HECW1: variants seen among roughly 807,000 people sequenced by gnomAD.
HECW1 encodes E3 ubiquitin-protein ligase HECW1.
HECW1 carries 61 observed loss-of-function variants against 182.3 expected under a neutral mutation model. The observed-to-expected ratio is 0.33, with a 90% CI of 0.27 to 0.41. The LOEUF (loss-of-function observed/expected upper bound fraction) is 0.41, where lower values mean the gene tolerates loss of function less well. Among genes scored for constraint, HECW1 ranks in the 10% least tolerant of loss-of-function variants. HECW1 has a pLI of 1.00. For synonymous variants in HECW1, 859 were observed against 832.6 expected (o/e 1.03, Z -0.55); for missense variants, 1,739 against 2,108.9 (o/e 0.82, Z 3.44).
At chr7:43,495,230 A>T (rs1313148553) in intron 19 of HECW1, among the ~76,000 whole-genome samples, 3 of 152,128 alleles carry the variant, frequency 2.0e-5, no homozygotes, top group African/African-American at 7.2e-5. Flanking sequence ...CGTCATCTAC[A>T]TTAGGTATTT....
intron 2 of HECW1, among the ~76,000 whole-genome samples, chr7:43,205,683 G>T (rs946541977): frequency 2.0e-5 from 3 of 152,166 alleles, no homozygotes; most frequent in Non-Finnish European, 2.9e-5. Context: ...CAGTGGTCTC[G>T]TGACCACAGC....
chr7:43,158,475 T>C (rs1399044070), intron 2 of HECW1, among the ~76,000 whole-genome samples: 5 of 152,238 alleles, frequency 3.3e-5, no homozygotes, highest in African/African-American at 1.2e-4. Context: ...GCATATATCC[T>C]ACAAGCATTT....
intron 5 of HECW1, among the ~76,000 whole-genome samples, chr7:43,324,905 T>G (rs1430703327): frequency 6.6e-6 from 1 of 152,214 alleles, no homozygotes; most frequent in African/African-American, 2.4e-5. Flanking sequence ...ATATTGCAGA[T>G]GACCTGGAGT....
chr7:43,470,743 A>G (rs2077987194), intron 16 of HECW1, among the ~76,000 whole-genome samples: 1 of 152,022 alleles, frequency 6.6e-6, no homozygotes. Flanking sequence ...ACACATGCTC[A>G]CACACACACA....
chr7:43,127,027 C>T (rs890504098), intron 2 of HECW1, among the ~76,000 whole-genome samples: 1 of 152,062 alleles, frequency 6.6e-6, no homozygotes, highest in Non-Finnish European at 1.5e-5. Flanking sequence ...TTTAAGTGTT[C>T]AAGTGGAAGG....
intron 4 of HECW1, among the ~76,000 whole-genome samples, chr7:43,317,497 C>A (rs1375339220): frequency 2.0e-5 from 3 of 152,248 alleles, no homozygotes; most frequent in African/African-American, 7.2e-5. Context: ...CCTGAATTCC[C>A]TGCATTAAAT....
rs529680804 is a variant in HECW1, at chr7:43,401,023, C to T, written c.631+4134C>T. 1.4e-3 allele frequency among the ~76,000 whole-genome samples: 210 copies of T among 152,280 alleles called. 2 individuals are homozygous for T. The highest frequency in any genetic ancestry group is 4.8e-3 in the African/African-American group (200 of 41,572). The stretch of plus-strand genomic sequence containing the variant: ...CCATCTGACAAGGACTCTGTGATTA[C>T]GTTGCACTCACCTGGACAGTCCAGG... On this transcript the variant is annotated intron_variant, in intron 7 of 29. Coordinates refer to ENST00000395891, the MANE Select transcript of HECW1 (RefSeq NM_015052.5).
chr7:43,199,098 C>T (rs1794803551), intron 2 of HECW1, among the ~76,000 whole-genome samples: 1 of 152,190 alleles, frequency 6.6e-6, no homozygotes, highest in African/African-American at 2.4e-5. Context: ...TCATTGCACA[C>T]TCTCTCTCTC....
At chr7:43,530,400 C>A (rs1290077788) in intron 24 of HECW1, among the ~76,000 whole-genome samples, 1 of 151,904 alleles carries the variant, frequency 6.6e-6, no homozygotes, top group African/African-American at 2.4e-5. Flanking sequence ...TTTATCACAT[C>A]AGTAAGGTAT....
chr7:43,281,713 C>CTTTT lies in HECW1; in HGVS notation c.28-30027_28-30024dup, dbSNP rs55860415. Reference sequence around the variant, plus strand: ...TTTTTCTGTTCTCTTTCTTTGCTTTCTTTTTTTTTTTTTTTTTTTTTTTTT... The same window carrying CTTTT: ...TTTTTCTGTTCTCTTTCTTTGCTTTCTTTTTTTTTTTTTTTTTTTTTTTTTTTTT... On this transcript the variant is annotated intron_variant, in intron 3 of 29. Coordinates refer to ENST00000395891, the MANE Select transcript of HECW1 (RefSeq NM_015052.5). 1.6e-3 allele frequency among the ~76,000 whole-genome samples: 124 copies of CTTTT among 77,352 alleles called. 4 individuals are homozygous for CTTTT. Among genetic ancestry groups the CTTTT allele is most frequent in the African/African-American group, 5.8e-3 (115 of 19,902 alleles). The allele number at this position is 77,352 out of a possible 152,430, so 50.7% of individuals were successfully genotyped here.
At chr7:43,317,015 C>T (rs1210133170) in intron 4 of HECW1, among the ~76,000 whole-genome samples, 1 of 151,622 alleles carries the variant, frequency 6.6e-6, no homozygotes, top group East Asian at 2.0e-4. Flanking sequence ...ACTATGTGAT[C>T]TTAGGCAGTT....
rs568646349 is a variant in HECW1, at chr7:43,126,340, A to G, written c.-32+11949A>G. On this transcript the variant is annotated intron_variant, in intron 2 of 29. Coordinates refer to ENST00000395891, the MANE Select transcript of HECW1 (RefSeq NM_015052.5). Reference sequence around the variant, plus strand: ...ATGTTATTTTTAAAATATAACACATATATATCATTGTCTAAAGCAAGGGTC... The same window carrying G: ...ATGTTATTTTTAAAATATAACACATGTATATCATTGTCTAAAGCAAGGGTC... 1.2e-4 allele frequency among the ~76,000 whole-genome samples: 18 copies of G among 152,250 alleles called. No homozygotes were observed. In the South Asian group the frequency reaches 3.1e-3, roughly 26 times the overall value.
At chr7:43,162,473 G>A (rs1009932674) in intron 2 of HECW1, among the ~76,000 whole-genome samples, 6 of 152,154 alleles carry the variant, frequency 3.9e-5, no homozygotes, top group Admixed American at 6.5e-5. Flanking sequence ...TCTCCTCTGC[G>A]TGTCCCTCAC....
intron 2 of HECW1, among the ~76,000 whole-genome samples, chr7:43,223,937 G>C (rs1797202680): frequency 6.6e-6 from 1 of 152,106 alleles, no homozygotes; most frequent in African/African-American, 2.4e-5. Flanking sequence ...TCTCTCCTTT[G>C]ATTGCCCCTT....
In HECW1 at chr7:43,533,278, A is replaced by C. The variant is rs183511406; in HGVS notation, c.4020-7885A>C. On this transcript the variant is annotated intron_variant, in intron 24 of 29. Coordinates refer to ENST00000395891, the MANE Select transcript of HECW1 (RefSeq NM_015052.5). ...CTCCTTAAAGGAACTTAACCCATGC[A>C]AGTCCTGGTCCATTACCAGGGAAGC... Among the ~76,000 whole-genome samples the C allele has an allele frequency of 9.9e-5, 15 of 152,274 alleles. No homozygotes were observed. The East Asian group carries it at 2.7e-3, about 27-fold the overall frequency.
chr7:43,341,307 TATAA>T (rs61727601), intron 5 of HECW1, among the ~76,000 whole-genome samples: 13,983 of 148,562 alleles, frequency 0.094, 857 homozygotes, highest in Middle Eastern at 0.15. Context: ...CTTACAGTAT[TATAA>T]ATAAATAAAT....
chr7:43,175,831 G>A (rs918552095), intron 2 of HECW1, among the ~76,000 whole-genome samples: 14 of 151,992 alleles, frequency 9.2e-5, no homozygotes, highest in African/African-American at 1.9e-4. Flanking sequence ...TTCTAGTCAC[G>A]TTTTCCTTCT....
intron 17 of HECW1, among the ~76,000 whole-genome samples, chr7:43,491,257 G>A (rs1336016621): frequency 6.6e-6 from 1 of 152,066 alleles, no homozygotes. Context: ...GTAAACCTGG[G>A]GAAACTTTAC....
At chr7:43,258,293 A>T (rs1800800878) in intron 3 of HECW1, among the ~76,000 whole-genome samples, 1 of 152,048 alleles carries the variant, frequency 6.6e-6, no homozygotes, top group Admixed American at 6.6e-5. Context: ...CAGTGAGCCG[A>T]GATTGTACCA....
Sources: allele counts gnomAD v4.1 joint callset (sites outside exome capture counted in the v4.1 genomes callset), GRCh38; gene constraint gnomAD v4.1.1; transcripts MANE v1.5; gene names NCBI Gene and HGNC (gene_info 2026-07-23, HGNC 2026-07-21).